Variants in FTSJ1 observed in about 807,000 individuals in gnomAD.
FTSJ1 encodes tRNA (cytidine(32)/guanosine(34)-2'-O)-methyltransferase.
FTSJ1 carries 3 observed loss-of-function variants against 28.5 expected under a neutral mutation model. The observed-to-expected ratio is 0.11, with a 90% CI of 0.05 to 0.27. The LOEUF is 0.27. Ranked by LOEUF, FTSJ1 falls within the 10% of genes least tolerant of loss-of-function variation. The probability of loss-of-function intolerance (pLI) is 1.00; values close to 1 mark genes in which losing one functional copy is unlikely to be tolerated. For missense variants in FTSJ1, 162 were observed against 279.0 expected, an observed-to-expected ratio of 0.58 and a Z score of 2.99; for synonymous variants, 104 against 113.9, an observed-to-expected ratio of 0.91 and a Z score of 0.55.
intron 2 of FTSJ1, 106 bp downstream of exon 2, chrX:48,478,274 G>A: frequency 1.1e-6 from 1 of 901,765 alleles, no homozygotes; most frequent in Non-Finnish European, 1.6e-6. Context: ...GACTCAGAGG[G>A]TCTCTGGGGC....
intron 4 of FTSJ1, 62 bp from the exon 5 acceptor site, chrX:48,478,976 A>G (rs1008147729): frequency 3.3e-6 from 3 of 902,582 alleles, no homozygotes; most frequent in East Asian, 6.2e-5. Flanking sequence ...GACCATGGGC[A>G]GGCGGGATCT....
rs142932029 is a variant in FTSJ1, at chrX:48,482,730, G to A, written c.893G>A (p.Ser298Asn). The A allele has an allele frequency of 3.8e-4, 456 of 1,207,227 alleles. 1 individual carries two copies. Among genetic ancestry groups the A allele is most frequent in the Non-Finnish European group, 4.8e-4 (430 of 894,056 alleles). The change falls in exon 11 of 13, where the codon AGC (serine) becomes AAC (asparagine). Residue 298 changes from serine to asparagine, a missense_variant. By Grantham distance (46) the Ser-to-Asn change is conservative. Transcript: ENST00000348411. ...KEIRPQDCPI[S>N]RVDTFPQPLA... ...ATCCGCCCCCAGGACTGCCCCATCA[G>A]CAGAGTGGACACGTTTCCCCAGCCC...
In FTSJ1 at chrX:48,482,484, C is replaced by T; in HGVS notation, c.737C>T (p.Ser246Leu). The change falls in exon 10 of 13, where the codon TCG (serine) becomes TTG (leucine). Residue 246 changes from serine (S) to leucine (L), a missense_variant. Physicochemically the swap from Ser to Leu is moderately radical, Grantham distance 145. Coordinates refer to ENST00000348411, the MANE Select transcript of FTSJ1 (RefSeq NM_012280.4). ...VTCGDLSSYD[S>L]DRSYPLDLEG... ...TGTGGGGACCTGAGCTCCTATGATT[C>T]GGACCGCAGTTACCCACTGGACGTG... The T allele has an allele frequency of 8.3e-7, 1 of 1,202,166 alleles. No homozygotes were observed. The highest frequency in any genetic ancestry group is 1.1e-6 in the Non-Finnish European group (1 of 887,402).
At chrX:48,480,996 G>C (rs1460936953) in intron 5 of FTSJ1, among the ~76,000 whole-genome samples, 155 bp from the exon 6 acceptor site, 1 of 111,653 alleles carries the variant, frequency 9.0e-6, no homozygotes, top group Admixed American at 9.5e-5. Context: ...AGGGTTAGGA[G>C]CTCAGAATAT....
chrX:48,478,024 G>A lies in FTSJ1; in HGVS notation c.-24G>A. 1 of 1,211,655 alleles carries A rather than the reference G, an allele frequency of 8.3e-7. No individual in the cohort carries two copies. Among genetic ancestry groups the A allele is most frequent in the African/African-American group, 1.7e-5 (1 of 57,840 alleles). Reference sequence around the variant, plus strand: ...GCCGGCATCAGTGGACTGTCGGCAGGTCCTTGAGCAACTGGTGTGTGAAAT... The same window carrying A: ...GCCGGCATCAGTGGACTGTCGGCAGATCCTTGAGCAACTGGTGTGTGAAAT... On this transcript the variant is annotated 5_prime_UTR_variant, in exon 2 of 13. Transcript: ENST00000348411.
At chrX:48,483,825 G>A (rs2061584640) in intron 12 of FTSJ1, among the ~76,000 whole-genome samples, 1 of 110,697 alleles carries the variant, frequency 9.0e-6, no homozygotes, top group Non-Finnish European at 1.9e-5. Context: ...GAAGGCCTCA[G>A]ACATTCCTCA....
Position 48,481,682 on chromosome X carries a change from G to A in FTSJ1, c.622G>A (p.Asp208Asn). 8.4e-7 allele frequency: 1 copy of A among 1,195,996 alleles called. No homozygotes were observed. Among genetic ancestry groups the A allele is most frequent in the Non-Finnish European group, 1.1e-6 (1 of 880,843 alleles). Residue 208 changes from aspartate (D) to asparagine (N), a missense_variant, in exon 9 of 13, where the codon GAC (aspartate) becomes AAC (asparagine). Asp to Asn is a conservative substitution (Grantham distance 23). Coordinates refer to ENST00000348411, the MANE Select transcript of FTSJ1 (RefSeq NM_012280.4). ...TGACCCTCCCGAGGGCTTCATCCCG[G>A]ACCTGAGCAAACCCCTGCTGGACCA... Reference protein sequence around the residue: ...GYDPPEGFIPDLSKPLLDHSY... With the variant: ...GYDPPEGFIPNLSKPLLDHSY...
chrX:48,478,373 G>C (rs920487850), intron 2 of FTSJ1, 76 bp from the exon 3 acceptor site: 6 of 1,019,401 alleles, frequency 5.9e-6, no homozygotes, highest in Admixed American at 2.3e-5. Context: ...CAGGGGAGAG[G>C]GGTGAATTTT....
chrX:48,480,827 G>A (rs1487476247), intron 5 of FTSJ1, among the ~76,000 whole-genome samples: 1 of 111,230 alleles, frequency 9.0e-6, no homozygotes, highest in African/African-American at 3.3e-5. Context: ...GGTGGGAGGA[G>A]CAGGTTTGGG....
chrX:48,481,318 G>A lies in FTSJ1; in HGVS notation c.444G>A (p.Lys148=), dbSNP rs781813037. 2 of 1,209,255 alleles carry A rather than the reference G, an allele frequency of 1.7e-6. No homozygotes were observed. The highest frequency in any genetic ancestry group is 2.2e-6 in the Non-Finnish European group (2 of 893,934). Residue 148 remains lysine, a synonymous_variant, in exon 7 of 13, where the codon AAG becomes AAA. Transcript: ENST00000348411. ...AALNIATHVL[K]PGGCFVAKIF... Reference sequence around the variant, plus strand: ...TGAACATTGCTACACATGTCCTGAAGCCAGGGGGCTGCTTTGTGGCCAAGG... The same window carrying A: ...TGAACATTGCTACACATGTCCTGAAACCAGGGGGCTGCTTTGTGGCCAAGG...
Position 48,478,627 on chromosome X carries a change from T to C in FTSJ1, c.202T>C (p.Ser68Pro). The part of the protein sequence containing the change: ...VLSQKIGGQG[S>P]GHVVAVDLQA... ...CCATGTTGTCCACAGGGGCCAAGGG[T>C]CCGGCCACGTGGTGGCTGTGGACCT... The change falls in exon 4 of 13, where the codon TCC becomes CCC. Residue 68 changes from serine (S) to proline (P), a missense_variant. Physicochemically the swap from Ser to Pro is moderately conservative, Grantham distance 74 (BLOSUM62 -1). Coordinates refer to ENST00000348411, the MANE Select transcript of FTSJ1 (RefSeq NM_012280.4). 1 of 1,206,614 alleles carries C rather than the reference T, an allele frequency of 8.3e-7. No homozygotes were observed. Among genetic ancestry groups the C allele is most frequent in the Middle Eastern group, 2.3e-4 (1 of 4,338 alleles).
intron 5 of FTSJ1, among the ~76,000 whole-genome samples, chrX:48,480,871 G>A (rs2061564340): frequency 9.0e-6 from 1 of 110,792 alleles, no homozygotes; most frequent in Non-Finnish European, 1.9e-5. Context: ...TGGATGTATT[G>A]GAGATGTAGA....
intron 9 of FTSJ1, 146 bp downstream of exon 9, chrX:48,481,861 C>T: frequency 2.0e-6 from 1 of 511,714 alleles, no homozygotes; most frequent in Non-Finnish European, 3.6e-6. Context: ...TAGCCCCATT[C>T]TCTGATGGAA....
At chrX:48,485,293 CA>C in intron 12 of FTSJ1, among the ~76,000 whole-genome samples, 1 of 109,181 alleles carries the variant, frequency 9.2e-6, no homozygotes, top group East Asian at 2.9e-4. Flanking sequence ...GACTCCATCT[CA>C]AAAAAAAGGA....
At chrX:48,482,569 C>A in intron 10 of FTSJ1, 28 bp from the exon 11 acceptor site, 1 of 1,193,961 alleles carries the variant, frequency 8.4e-7, no homozygotes, top group Non-Finnish European at 1.1e-6. Flanking sequence ...CAGGTCCTCA[C>A]CATCTCCCTA....
chrX:48,482,644 C>T lies in FTSJ1; in HGVS notation c.807C>T (p.Pro269=). 1.7e-6 allele frequency: 2 copies of T among 1,204,171 alleles called. No individual in the cohort carries two copies. The highest frequency in any genetic ancestry group is 3.0e-5 in the East Asian group (1 of 33,468). The change falls in exon 11 of 13, where the codon CCC becomes CCT. Residue 269 remains proline (P), a synonymous_variant. Transcript: ENST00000348411. The part of the protein sequence containing the change: ...EYKYTPPTQP[P]ISPPYQEACT... ...AGTACACTCCACCCACACAGCCCCCCATCTCGCCACCATACCAGGAGGCCT... is the reference window on the plus strand; with the variant it reads ...AGTACACTCCACCCACACAGCCCCCTATCTCGCCACCATACCAGGAGGCCT...
chrX:48,480,131 C>T (rs1401685916), intron 5 of FTSJ1, among the ~76,000 whole-genome samples: 2 of 108,903 alleles, frequency 1.8e-5, no homozygotes, highest in Non-Finnish European at 3.8e-5. Context: ...GCAACAAGAG[C>T]GAAACTCCGT....
chrX:48,481,483 A>G lies in FTSJ1; in HGVS notation c.526A>G (p.Ser176Gly), dbSNP rs782644044. ...LYSQLQVFFS[S>G]VLCAKPRSSR... ...CAGCCAGCTGCAGGTCTTCTTCTCC[A>G]GCGTGCTGTGTGCCAAGCCCAGGAG... is the stretch of plus-strand genomic sequence containing the variant. Residue 176 changes from serine (S) to glycine (G), a missense_variant, in exon 8 of 13, where the codon AGC becomes GGC. Ser to Gly is a moderately conservative substitution (Grantham distance 56). Transcript: ENST00000348411. The G allele has an allele frequency of 2.2e-5, 27 of 1,211,837 alleles. No homozygotes were observed. The highest frequency in any genetic ancestry group is 3.0e-5 in the Non-Finnish European group (27 of 895,318).
intron 2 of FTSJ1, 40 bp from the exon 3 acceptor site, chrX:48,478,409 G>C (rs782265209): frequency 3.7e-5 from 43 of 1,171,523 alleles, no homozygotes; most frequent in Non-Finnish European, 4.2e-5. Context: ...TTGGAGAAGT[G>C]GGTGCAGCTG....
Sources: gnomAD v4.1 joint callset for allele counts (sites outside exome capture counted in the v4.1 genomes callset) on GRCh38, gnomAD v4.1.1 for gene constraint, MANE v1.5 for transcripts, NCBI Gene and HGNC (gene_info 2026-07-23, HGNC 2026-07-21) for gene names.